The following ENTREP2 variants were observed in gnomAD, a reference collection of about 807,000 sequenced individuals.
The protein encoded by ENTREP2 is endosomal transmembrane epsin interactor 2, also known as protein ENTREP2.
At chr15:29,165,967 T>C in the ENTREP2 span, among the ~76,000 whole-genome samples, 6 of 152,054 alleles carry the variant, frequency 3.9e-5, no homozygotes, top group African/African-American at 1.4e-4. Context: ...AAAAAGACAA[T>C]ACATCATGAT....
the ENTREP2 span, among the ~76,000 whole-genome samples, chr15:29,538,558 G>C: frequency 2.0e-5 from 3 of 151,076 alleles, no homozygotes; most frequent in Non-Finnish European, 4.4e-5. Context: ...ACTTTGGGAG[G>C]CTGAGGCGGG....
chr15:29,648,564 G>C, the ENTREP2 span, among the ~76,000 whole-genome samples: 1 of 152,210 alleles, frequency 6.6e-6, no homozygotes, highest in African/African-American at 2.4e-5. Flanking sequence ...TCTAGTTGAT[G>C]TTCTCCTAGA....
the ENTREP2 span, among the ~76,000 whole-genome samples, chr15:29,364,019 C>T: frequency 4.6e-5 from 7 of 152,094 alleles, no homozygotes; most frequent in East Asian, 9.7e-4. Context: ...CCCAAACATC[C>T]GCAGGATAAA....
the ENTREP2 span, chr15:29,121,280 C>T: frequency 6.6e-6 from 1 of 152,296 alleles, no homozygotes; most frequent in Non-Finnish European, 1.5e-5. Flanking sequence ...TCCAGTAGGC[C>T]TCTGCCCCGG....
At chr15:29,505,820 G>C in the ENTREP2 span, among the ~76,000 whole-genome samples, 2 of 152,122 alleles carry the variant, frequency 1.3e-5, no homozygotes, top group African/African-American at 4.8e-5. This position sits in a 1 kb window ranked among gnomAD's most constrained non-coding sequence, Gnocchi z 4.3. Context: ...AGAGAAAAAA[G>C]GCTGAAAATT....
chr15:29,319,731 G>T, the ENTREP2 span, among the ~76,000 whole-genome samples: 1 of 152,214 alleles, frequency 6.6e-6, no homozygotes. Flanking sequence ...AATCTGAAGA[G>T]ATGGGAATGC....
the ENTREP2 span, among the ~76,000 whole-genome samples, chr15:29,155,189 G>A: frequency 5.9e-5 from 9 of 151,890 alleles, 1 homozygote; most frequent in African/African-American, 2.2e-4. Flanking sequence ...GGCTGAGGCA[G>A]GAGAATGGCG....
chr15:29,399,431 G>A, the ENTREP2 span, among the ~76,000 whole-genome samples: 1 of 152,130 alleles, frequency 6.6e-6, no homozygotes, highest in East Asian at 1.9e-4. Flanking sequence ...ATAAACATTG[G>A]AAAGAAGAAG....
the ENTREP2 span, among the ~76,000 whole-genome samples, chr15:29,594,726 GC>G: frequency 6.8e-4 from 103 of 152,222 alleles, no homozygotes; most frequent in Admixed American, 4.1e-3. Flanking sequence ...ACTTTGGGAG[GC>G]CAAGGTGGGC....
the ENTREP2 span, among the ~76,000 whole-genome samples, chr15:29,567,220 C>A: frequency 6.6e-6 from 1 of 152,170 alleles, no homozygotes; most frequent in Non-Finnish European, 1.5e-5. Context: ...CATCACAGAC[C>A]TCCGGCCAGG....
At chr15:29,630,390 A>G in the ENTREP2 span, among the ~76,000 whole-genome samples, 1 of 151,986 alleles carries the variant, frequency 6.6e-6, no homozygotes, top group Non-Finnish European at 1.5e-5. Context: ...AGCTGCTTTC[A>G]ATTGTGTTTT....
At chr15:29,416,837 G>A in the ENTREP2 span, among the ~76,000 whole-genome samples, 1 of 152,150 alleles carries the variant, frequency 6.6e-6, no homozygotes, top group South Asian at 2.1e-4. Flanking sequence ...AGTGGGCAAA[G>A]GATATGAACA....
chr15:29,664,558 T>C, the ENTREP2 span, among the ~76,000 whole-genome samples: 2 of 152,062 alleles, frequency 1.3e-5, no homozygotes, highest in South Asian at 2.1e-4. Context: ...AGTGTGGGTA[T>C]GGCCTGGGTG....
the ENTREP2 span, among the ~76,000 whole-genome samples, chr15:29,208,929 G>T: frequency 6.6e-6 from 1 of 152,072 alleles, no homozygotes; most frequent in Non-Finnish European, 1.5e-5. Flanking sequence ...AAATAAAAGG[G>T]TCAATTACAT....
chr15:29,151,081 C>G, the ENTREP2 span, among the ~76,000 whole-genome samples: 5,842 of 152,256 alleles, frequency 0.038, 348 homozygotes, highest in African/African-American at 0.13. Context: ...AGGCTGTGTT[C>G]CATTCACATT....
At chr15:29,343,816 A>G in the ENTREP2 span, among the ~76,000 whole-genome samples, 1 of 152,270 alleles carries the variant, frequency 6.6e-6, no homozygotes. Flanking sequence ...AGAAAGTAAA[A>G]TTTGGGGCAA....
At chr15:29,514,342 CATA>C in the ENTREP2 span, among the ~76,000 whole-genome samples, 1 of 152,200 alleles carries the variant, frequency 6.6e-6, no homozygotes, top group African/African-American at 2.4e-5. Flanking sequence ...TTTCACTTAG[CATA>C]ATGTCCTCAA....
the ENTREP2 span, among the ~76,000 whole-genome samples, chr15:29,573,622 C>A: frequency 0.16 from 24,707 of 151,692 alleles, 2,878 homozygotes; most frequent in East Asian, 0.48. Flanking sequence ...TTCTTTCTCT[C>A]TCTCTCTTCT....
chr15:29,178,528 C>T, the ENTREP2 span, among the ~76,000 whole-genome samples: 3 of 151,916 alleles, frequency 2.0e-5, no homozygotes, highest in Middle Eastern at 3.4e-3. Context: ...TCTGCTTGTC[C>T]CTGGGGCCTG....
Sources: gnomAD v4.1 joint callset for allele counts (sites outside exome capture counted in the v4.1 genomes callset) on GRCh38, gnomAD v4.1.1 for gene constraint, Gnocchi (gnomAD v3.1) non-coding constraint, MANE v1.5 for transcripts, NCBI Gene and HGNC (gene_info 2026-07-23, HGNC 2026-07-21) for gene names.